The following GLDC variants were observed in gnomAD, a reference collection of about 807,000 sequenced individuals.
GLDC encodes glycine decarboxylase.
A neutral mutation model predicts 121.3 loss-of-function variants in GLDC; 104 were observed. The ratio of observed to expected loss-of-function variants is 0.86; its 90% CI spans 0.73 to 1.01. The LOEUF is 1.01. GLDC is among the 50% of genes least tolerant of loss of function. GLDC has a pLI of 0.00. For missense variants in GLDC, 1,429 were observed against 1,306.6 expected (o/e 1.09, Z -1.44); for synonymous variants, 546 against 480.6 (o/e 1.14, Z -1.78).
In GLDC at chr9:6,610,162, G is replaced by A. The variant is rs377568159; in HGVS notation, c.635+30C>T. On this transcript the variant is annotated intron_variant, in intron 4 of 24. Coordinates refer to ENST00000321612, the MANE Select transcript of GLDC (RefSeq NM_000170.3). ...AGGCCAGGCGAGGTGGCCCACAACT[G>A]GAATTCCAGCACTTTGAGAGGCCTC... 1.1e-5 allele frequency: 17 copies of A among 1,572,062 alleles called. No individual in the cohort carries two copies. The African/African-American group carries it at 1.9e-4, about 17-fold the overall frequency.
chr9:6,589,436 T>G, intron 11 of GLDC, 144 bp from the exon 12 acceptor site: 3 of 336,580 alleles, frequency 8.9e-6, no homozygotes, highest in Non-Finnish European at 1.6e-5. Context: ...TATTTATTTA[T>G]TTAATATTTT....
intron 4 of GLDC, 77 bp downstream of exon 4, chr9:6,610,115 A>T: frequency 9.0e-7 from 1 of 1,116,346 alleles, no homozygotes. Context: ...TAATATTCAC[A>T]ATATACTATA....
chr9:6,593,406 C>A (rs1277767824), intron 9 of GLDC, among the ~76,000 whole-genome samples: 1 of 151,668 alleles, frequency 6.6e-6, no homozygotes, highest in Non-Finnish European at 1.5e-5. Flanking sequence ...TCATGCAATC[C>A]CCTTGCCTCA....
rs577591404 is a variant in GLDC at position 6,591,069 on chromosome 9, G to T, written c.1482+1074C>A. 5.9e-5 allele frequency among the ~76,000 whole-genome samples: 9 copies of T among 152,270 alleles called. No homozygotes were observed. The South Asian group carries it at 1.9e-3, about 32-fold the overall frequency. On this transcript the variant is annotated intron_variant, in intron 11 of 24. Coordinates refer to ENST00000321612, the MANE Select transcript of GLDC (RefSeq NM_000170.3). The stretch of plus-strand genomic sequence containing the variant: ...TGTTGTGATTAACACCTTGCCACAG[G>T]TCTAGGTAGCTACTGTCGGCTCTCT...
intron 2 of GLDC, among the ~76,000 whole-genome samples, chr9:6,633,955 G>A (rs1050464980): frequency 1.4e-5 from 2 of 144,156 alleles, no homozygotes; most frequent in East Asian, 2.3e-4. Context: ...TCAGCCTCCC[G>A]AGTAGCTGGG....
At chr9:6,611,733 A>C (rs1268683368) in intron 3 of GLDC, among the ~76,000 whole-genome samples, 1 of 152,114 alleles carries the variant, frequency 6.6e-6, no homozygotes, top group Non-Finnish European at 1.5e-5. Context: ...ATTCTTTGGA[A>C]CATTATTCTC....
chr9:6,595,420 G>A (rs1045528942), intron 8 of GLDC, among the ~76,000 whole-genome samples: 15 of 152,174 alleles, frequency 9.9e-5, no homozygotes, highest in African/African-American at 3.4e-4. Context: ...ACTACCATCA[G>A]ACATTGAGAA....
chr9:6,602,132 T>C lies in GLDC; in HGVS notation c.1132A>G (p.Thr378Ala), dbSNP rs1359244190. 1 of 1,611,402 alleles carries C rather than the reference T, an allele frequency of 6.2e-7. No individual in the cohort carries two copies. The highest frequency in any genetic ancestry group is 1.1e-5 in the South Asian group (1 of 91,028). Residue 378 changes from threonine (T) to alanine (A), a missense_variant, in exon 8 of 25, where the codon ACC (threonine) becomes GCC (alanine). Transcript: ENST00000321612. ...ACCTGAGCTGTACAGATGTTGCTGG[T>C]AGCCTTGTCTCTCCGAATGTGTTGC... The part of the protein sequence containing the change: ...REQHIRRDKA[T>A]SNICTAQALL...
intron 24 of GLDC, 138 bp downstream of exon 24, chr9:6,534,570 C>T (rs1817077367): frequency 1.5e-6 from 1 of 665,486 alleles, no homozygotes; most frequent in East Asian, 2.9e-5. Context: ...CTTTGCTCCT[C>T]ATTCCTCTTC....
chr9:6,540,017 A>T, intron 22 of GLDC, 34 bp downstream of exon 22: 1 of 1,329,712 alleles, frequency 7.5e-7, no homozygotes, highest in Non-Finnish European at 1.1e-6. Flanking sequence ...CACAGCCAGC[A>T]TGGGCGGCGG....
intron 16 of GLDC, among the ~76,000 whole-genome samples, chr9:6,563,691 A>G (rs1817800407): frequency 6.6e-6 from 1 of 152,260 alleles, no homozygotes; most frequent in Non-Finnish European, 1.5e-5. Context: ...GAGAATTCAG[A>G]ACCACGAATG....
At chr9:6,600,520 A>T (rs1202015941) in intron 8 of GLDC, among the ~76,000 whole-genome samples, 1 of 152,080 alleles carries the variant, frequency 6.6e-6, no homozygotes, top group African/African-American at 2.4e-5. Flanking sequence ...TACTAAAAAT[A>T]CAAAAATTAT....
At chr9:6,539,983 C>T in intron 22 of GLDC, 68 bp downstream of exon 22, 1 of 997,194 alleles carries the variant, frequency 1.0e-6, no homozygotes, top group Non-Finnish European at 1.6e-6. Flanking sequence ...CCTGCATTTT[C>T]CATTTGTGCT....
intron 9 of GLDC, among the ~76,000 whole-genome samples, chr9:6,593,629 T>C (rs7872145): frequency 0.23 from 34,372 of 151,612 alleles, 4,227 homozygotes; most frequent in Middle Eastern, 0.3. Context: ...TAGATCACTA[T>C]TTTAAACCAT....
Position 6,542,312 on chromosome 9 carries a change from C to G in GLDC, c.2570-2166G>C, listed in dbSNP as rs976256215. 3 of 152,324 alleles carry G rather than the reference C, an allele frequency of 2.0e-5. 1 individual carries two copies. Among genetic ancestry groups the G allele is most frequent in the African/African-American group, 4.8e-5 (2 of 41,462 alleles). The allele number at this position is 152,324 out of a possible 1,614,324, so 9.4% of individuals were successfully genotyped here. A position where few individuals can be genotyped will look rare whatever the true frequency, so the allele number is the denominator to read the frequency against. On this transcript the variant is annotated intron_variant, in intron 21 of 24. Transcript: ENST00000321612. ...GGAGTGCAGTAGTGCCATAACAGCT[C>G]ACTGCAGCCTTGACCTCCTGGGCCC... is the stretch of plus-strand genomic sequence containing the variant.
intron 2 of GLDC, among the ~76,000 whole-genome samples, chr9:6,627,288 T>C (rs1587977885): frequency 3.3e-5 from 3 of 91,564 alleles, no homozygotes; most frequent in Admixed American, 1.5e-4. Context: ...AGAACGAGAC[T>C]CCATCTCAAA....
intron 21 of GLDC, among the ~76,000 whole-genome samples, chr9:6,543,170 G>A (rs1435429709): frequency 6.7e-6 from 1 of 150,346 alleles, no homozygotes; most frequent in African/African-American, 2.4e-5. Flanking sequence ...AGCTACTTGG[G>A]AGGCTGAGGT....
At chr9:6,605,711 C>A (rs1012219399) in intron 5 of GLDC, among the ~76,000 whole-genome samples, 2 of 152,154 alleles carry the variant, frequency 1.3e-5, no homozygotes, top group Non-Finnish European at 1.5e-5. Context: ...TGTCAGAAAC[C>A]CCCCCTCTGA....
At chr9:6,638,074 A>T (rs1046493327) in intron 2 of GLDC, among the ~76,000 whole-genome samples, 1 of 152,134 alleles carries the variant, frequency 6.6e-6, no homozygotes, top group Non-Finnish European at 1.5e-5. Context: ...AATTGATAGC[A>T]TAATTATTTA....
Sources: gnomAD v4.1 joint callset for allele counts (sites outside exome capture counted in the v4.1 genomes callset) on GRCh38, gnomAD v4.1.1 for gene constraint, MANE v1.5 for transcripts, NCBI Gene and HGNC (gene_info 2026-07-23, HGNC 2026-07-21) for gene names.